ADAMTSL3: variants seen among roughly 807,000 people sequenced by gnomAD.
The protein encoded by ADAMTSL3 is ADAMTS-like protein 3.
In ADAMTSL3, 128 loss-of-function variants were observed where a neutral mutation model predicts 201.7. That is an observed-to-expected ratio of 0.63 (90% CI 0.55 to 0.73). The LOEUF is 0.73. ADAMTSL3 is among the 30% of genes least tolerant of loss of function. The pLI is 0.00. For missense variants in ADAMTSL3, 1,990 were observed against 2,119.6 expected (o/e 0.94, Z 1.20); for synonymous variants, 738 against 748.4 (o/e 0.99, Z 0.23).
intron 19 of ADAMTSL3, among the ~76,000 whole-genome samples, chr15:83,968,227 A>G (rs2067125508): frequency 1.3e-5 from 2 of 152,242 alleles, no homozygotes; most frequent in Admixed American, 1.3e-4. Context: ...AAAAGAAACT[A>G]TCATCAGACT....
chr15:83,752,717 T>G (rs2062656916), intron 3 of ADAMTSL3, among the ~76,000 whole-genome samples: 1 of 152,240 alleles, frequency 6.6e-6, no homozygotes, highest in African/African-American at 2.4e-5. Context: ...TTTAAGGTCA[T>G]GTTAAGAAAA....
intron 2 of ADAMTSL3, among the ~76,000 whole-genome samples, chr15:83,699,138 T>C (rs1157073590): frequency 1.3e-5 from 2 of 152,006 alleles, no homozygotes; most frequent in Non-Finnish European, 1.5e-5. Flanking sequence ...ATTATGAAAA[T>C]GTTAAGTGAT....
intron 3 of ADAMTSL3, among the ~76,000 whole-genome samples, chr15:83,758,739 A>G (rs544532744): frequency 3.7e-4 from 56 of 152,200 alleles, no homozygotes; most frequent in African/African-American, 1.3e-3. Context: ...CTTTTGCCCA[A>G]TTTTTAACTG....
chr15:83,894,379 T>C (rs558845058), intron 13 of ADAMTSL3, among the ~76,000 whole-genome samples: 1 of 152,346 alleles, frequency 6.6e-6, no homozygotes, highest in South Asian at 2.1e-4. Flanking sequence ...TAGGTTGACA[T>C]CTGAAATTTC....
intron 2 of ADAMTSL3, among the ~76,000 whole-genome samples, chr15:83,701,784 C>T (rs1439596003): frequency 1.3e-5 from 2 of 152,170 alleles, no homozygotes; most frequent in Non-Finnish European, 2.9e-5. Context: ...TTCCCAGTCT[C>T]GAGTATGTCA....
At chr15:83,872,343 C>T (rs2065096406) in intron 9 of ADAMTSL3, among the ~76,000 whole-genome samples, 1 of 152,022 alleles carries the variant, frequency 6.6e-6, no homozygotes, top group Admixed American at 6.6e-5. Context: ...TGGTTGGTTG[C>T]CATTCATCCT....
intron 7 of ADAMTSL3, among the ~76,000 whole-genome samples, chr15:83,839,304 AAC>A (rs1315504158): frequency 6.6e-6 from 1 of 152,180 alleles, no homozygotes; most frequent in Non-Finnish European, 1.5e-5. Context: ...AGGCAGAGGA[AAC>A]ACAAAGTTCA....
chr15:83,891,916 G>A (rs2065506676), intron 12 of ADAMTSL3, among the ~76,000 whole-genome samples: 2 of 152,194 alleles, frequency 1.3e-5, no homozygotes, highest in Admixed American at 1.3e-4. Flanking sequence ...GTGTGTGGCA[G>A]TTAAGAATAA....
chr15:83,721,435 A>G (rs916171786), intron 3 of ADAMTSL3, among the ~76,000 whole-genome samples: 3 of 152,158 alleles, frequency 2.0e-5, no homozygotes, highest in Non-Finnish European at 4.4e-5. Context: ...CACAGGGAGA[A>G]CTCTGACGCT....
intron 6 of ADAMTSL3, among the ~76,000 whole-genome samples, chr15:83,832,013 G>A (rs900888273): frequency 6.6e-6 from 1 of 152,138 alleles, no homozygotes; most frequent in Non-Finnish European, 1.5e-5. Flanking sequence ...AGAAACAAAG[G>A]AGACAGATTG....
At chr15:83,950,826 T>C (rs1349462832) in intron 19 of ADAMTSL3, among the ~76,000 whole-genome samples, 4 of 149,678 alleles carry the variant, frequency 2.7e-5, no homozygotes, top group Admixed American at 6.7e-5. Context: ...ATAGAAATGC[T>C]ACTGATATTT....
intron 15 of ADAMTSL3, among the ~76,000 whole-genome samples, chr15:83,901,703 G>A (rs2065727031): frequency 6.6e-6 from 1 of 152,060 alleles, no homozygotes; most frequent in South Asian, 2.1e-4. Context: ...GCACAAGTCA[G>A]TTAATATCTG....
At chr15:83,881,893 C>G (rs2065279420) in intron 9 of ADAMTSL3, among the ~76,000 whole-genome samples, 1 of 149,602 alleles carries the variant, frequency 6.7e-6, no homozygotes, top group Non-Finnish European at 1.5e-5. Context: ...ATGGCTCACG[C>G]CTGTAATCCC....
rs149458114 is a variant in ADAMTSL3 at position 83,736,554 on chromosome 15, C to T, written c.189+32046C>T. Among the ~76,000 whole-genome samples the T allele has an allele frequency of 5.8e-3, 882 of 152,188 alleles. 10 individuals are homozygous for T. The highest frequency in any genetic ancestry group is 0.021 in the African/African-American group (852 of 41,532). ...TAAATAGGATTATAGGAAACTAGCC[C>T]AAAATACATTCAGGAGGAATTCTGT... On this transcript the variant is annotated intron_variant, in intron 3 of 29. Coordinates refer to ENST00000286744, the MANE Select transcript of ADAMTSL3 (RefSeq NM_207517.3).
chr15:83,843,364 A>T (rs1426205838), intron 7 of ADAMTSL3, among the ~76,000 whole-genome samples: 2 of 152,178 alleles, frequency 1.3e-5, no homozygotes, highest in Non-Finnish European at 2.9e-5. Context: ...CTGGCATGTT[A>T]TCAGGTTCCG....
chr15:83,900,048 T>A (rs2065693827), intron 15 of ADAMTSL3, among the ~76,000 whole-genome samples: 1 of 152,198 alleles, frequency 6.6e-6, no homozygotes, highest in Admixed American at 6.5e-5. Flanking sequence ...ACCATCATAG[T>A]ATCATACAAA....
At chr15:83,791,777 G>A (rs926165014) in intron 4 of ADAMTSL3, among the ~76,000 whole-genome samples, 4 of 151,496 alleles carry the variant, frequency 2.6e-5, no homozygotes, top group Admixed American at 1.3e-4. Context: ...GGAGAATGGC[G>A]TGAACCCAGG....
At chr15:83,699,085 A>G (rs1242849079) in intron 2 of ADAMTSL3, among the ~76,000 whole-genome samples, 1 of 152,032 alleles carries the variant, frequency 6.6e-6, no homozygotes, top group African/African-American at 2.4e-5. Flanking sequence ...TTTCTGGTAT[A>G]ATGGTTGTAA....
rs539293451 is a variant in ADAMTSL3 at position 83,825,529 on chromosome 15, G to T, written c.600+5482G>T. 6.6e-5 allele frequency among the ~76,000 whole-genome samples: 10 copies of T among 152,188 alleles called. No homozygotes were observed. The South Asian group carries it at 2.1e-3, about 32-fold the overall frequency. ...TTGCTACTCAGGTACCTGAGGCAAG[G>T]ATTCGCTTGAGTCCAGGTAGTCGAG... is the stretch of plus-strand genomic sequence containing the variant. On this transcript the variant is annotated intron_variant, in intron 6 of 29. Coordinates refer to ENST00000286744, the MANE Select transcript of ADAMTSL3 (RefSeq NM_207517.3).
Sources: allele counts gnomAD v4.1 joint callset (sites outside exome capture counted in the v4.1 genomes callset), GRCh38; gene constraint gnomAD v4.1.1; transcripts MANE v1.5; gene names NCBI Gene and HGNC (gene_info 2026-07-23, HGNC 2026-07-21).